Variants in GPR89B observed in about 807,000 individuals in gnomAD.
The protein encoded by GPR89B is G protein-coupled receptor 89B.
GPR89B carries 25 observed loss-of-function variants against 52.4 expected under a neutral mutation model. The ratio of observed to expected loss-of-function variants is 0.48; its 90% CI spans 0.35 to 0.67. The LOEUF is 0.67. Ranked by LOEUF, GPR89B falls within the 30% of genes least tolerant of loss-of-function variation. The pLI is 0.01. For synonymous variants in GPR89B, 52 were observed against 151.2 expected, an observed-to-expected ratio of 0.34 and a Z score of 4.81; for missense variants, 146 against 450.2, an observed-to-expected ratio of 0.32 and a Z score of 6.11.
intron 1 of GPR89B, among the ~76,000 whole-genome samples, chr1:147,931,337 C>T (rs367608339): frequency 2.0e-5 from 3 of 151,846 alleles, no homozygotes; most frequent in African/African-American, 7.3e-5. Flanking sequence ...CCCTCTATAC[C>T]GTCATAAGAC....
chr1:147,950,387 A>G (rs1405445249), intron 5 of GPR89B, among the ~76,000 whole-genome samples: 1 of 142,924 alleles, frequency 7.0e-6, no homozygotes, highest in East Asian at 2.1e-4. Flanking sequence ...GCGGCCGGGA[A>G]GAGGCGCTCC....
chr1:147,930,449 T>C (rs1553246857), intron 1 of GPR89B, among the ~76,000 whole-genome samples: 1 of 152,174 alleles, frequency 6.6e-6, no homozygotes, highest in African/African-American at 2.4e-5. Context: ...GTTTGTTATC[T>C]GTCCATGAAG....
intron 5 of GPR89B, among the ~76,000 whole-genome samples, chr1:147,950,495 G>A (rs1252705930): frequency 7.9e-5 from 12 of 151,200 alleles, no homozygotes; most frequent in Non-Finnish European, 1.3e-4. Context: ...GACGATGGGC[G>A]GCCAGGCAGA....
At chr1:147,954,766 A>C (rs1655994041) in intron 7 of GPR89B, among the ~76,000 whole-genome samples, 1 of 152,252 alleles carries the variant, frequency 6.6e-6, no homozygotes, top group Non-Finnish European at 1.5e-5. Flanking sequence ...CCTTAGATAA[A>C]TTATTAGAAT....
the GPR89B span, among the ~76,000 whole-genome samples, chr1:148,018,043 T>C: frequency 6.8e-6 from 1 of 147,674 alleles, no homozygotes; most frequent in Non-Finnish European, 1.5e-5. Context: ...TAAGAGAATA[T>C]ATTAACAAAT....
At chr1:147,969,609 T>G (rs1489218381) in intron 9 of GPR89B, 1 of 364,946 alleles carries the variant, frequency 2.7e-6, no homozygotes, top group East Asian at 7.5e-5. Context: ...ATCTGTAAAA[T>G]TAAGATAATA....
chr1:148,006,716 G>T, the GPR89B span, among the ~76,000 whole-genome samples: 1 of 149,034 alleles, frequency 6.7e-6, no homozygotes, highest in African/African-American at 2.5e-5. Flanking sequence ...GCACTTTACA[G>T]CCTTTTTTTT....
chr1:147,997,678 C>A (rs1195234068), downstream of GPR89B, among the ~76,000 whole-genome samples: 1 of 152,064 alleles, frequency 6.6e-6, no homozygotes, highest in African/African-American at 2.4e-5. Context: ...TCCTCTCATA[C>A]CTGTATCTAT....
chr1:147,998,771 C>T, the GPR89B span, among the ~76,000 whole-genome samples: 5 of 151,020 alleles, frequency 3.3e-5, no homozygotes, highest in African/African-American at 1.2e-4. Flanking sequence ...GTCCCAGCTA[C>T]TCGAGAGACT....
the GPR89B span, among the ~76,000 whole-genome samples, chr1:148,020,809 T>C: frequency 6.6e-6 from 1 of 151,896 alleles, no homozygotes; most frequent in Non-Finnish European, 1.5e-5. Context: ...TGCCTCAGCC[T>C]CCCAGGTAGC....
chr1:147,957,972 G>A (rs1656246736), intron 7 of GPR89B, among the ~76,000 whole-genome samples: 1 of 151,394 alleles, frequency 6.6e-6, no homozygotes, highest in South Asian at 2.1e-4. Context: ...ACTGAGGCAG[G>A]AGAACGGTGT....
chr1:148,014,231 AC>A, the GPR89B span, among the ~76,000 whole-genome samples: 1 of 151,426 alleles, frequency 6.6e-6, no homozygotes, highest in African/African-American at 2.4e-5. Context: ...TCCGAAGGAG[AC>A]CCAAGCTCTT....
At chr1:148,015,504 G>A in the GPR89B span, among the ~76,000 whole-genome samples, 2 of 145,554 alleles carry the variant, frequency 1.4e-5, no homozygotes, top group African/African-American at 5.2e-5. Context: ...TAGTAGAGAC[G>A]GGGGTTTCAT....
At chr1:148,007,329 C>T in the GPR89B span, among the ~76,000 whole-genome samples, 1 of 152,172 alleles carries the variant, frequency 6.6e-6, no homozygotes, top group Non-Finnish European at 1.5e-5. Flanking sequence ...CCTGCCTCGG[C>T]CTCCCAAAGT....
At chr1:147,963,632 A>G (rs1400034112) in intron 7 of GPR89B, among the ~76,000 whole-genome samples, 1 of 152,146 alleles carries the variant, frequency 6.6e-6, no homozygotes, top group Non-Finnish European at 1.5e-5. Flanking sequence ...CATTAAAACT[A>G]CATCGAGATA....
At chr1:147,969,279 A>G (rs1558058103) in intron 9 of GPR89B, 2 of 379,418 alleles carry the variant, frequency 5.3e-6, no homozygotes, top group South Asian at 3.6e-5. Context: ...TTATTCCTTT[A>G]TAAGTTAGTA....
At chr1:147,974,175 A>AG (rs1414978588) in intron 10 of GPR89B, among the ~76,000 whole-genome samples, 7 of 144,260 alleles carry the variant, frequency 4.9e-5, no homozygotes, top group African/African-American at 1.8e-4. Flanking sequence ...TCCATATTGA[A>AG]TTTTAAAATA....
chr1:147,950,273 A>AG (rs1655528922), intron 5 of GPR89B, among the ~76,000 whole-genome samples: 1 of 147,468 alleles, frequency 6.8e-6, no homozygotes, highest in South Asian at 2.2e-4. Flanking sequence ...GGCCGGGTAG[A>AG]GGTGCTCCTC....
At chr1:147,931,275 A>G (rs1553246968) in intron 1 of GPR89B, among the ~76,000 whole-genome samples, 2 of 152,086 alleles carry the variant, frequency 1.3e-5, no homozygotes, top group Non-Finnish European at 2.9e-5. Flanking sequence ...GCTAATTTTC[A>G]ACCCAGAAGT....
Sources: allele counts gnomAD v4.1 joint callset (sites outside exome capture counted in the v4.1 genomes callset), GRCh38; gene constraint gnomAD v4.1.1; transcripts MANE v1.5; gene names NCBI Gene and HGNC (gene_info 2026-07-23, HGNC 2026-07-21).